The following ANK1 variants were observed in gnomAD, a reference collection of about 807,000 sequenced individuals.
ANK1 encodes ankyrin 1, also known as ankyrin-1.
ANK1 carries 51 observed loss-of-function variants against 210.4 expected under a neutral mutation model. The ratio of observed to expected loss-of-function variants is 0.24; its 90% CI spans 0.19 to 0.31. The LOEUF is 0.31. Among genes scored for constraint, ANK1 ranks in the 10% least tolerant of loss-of-function variants. ANK1 has a pLI of 1.00. For synonymous variants in ANK1, 967 were observed against 1,025.9 expected, an observed-to-expected ratio of 0.94 and a Z score of 1.10; for missense variants, 2,051 against 2,504.4, an observed-to-expected ratio of 0.82 and a Z score of 3.86.
At position 41,655,691 on chromosome 8, in the gene ANK1, G is replaced by A; in HGVS notation, c.*99C>T. 1.2e-6 allele frequency: 2 copies of A among 1,612,616 alleles called. No individual in the cohort carries two copies. The highest frequency in any genetic ancestry group is 1.7e-6 in the Non-Finnish European group (2 of 1,178,748). On this transcript the variant is annotated 3_prime_UTR_variant, in exon 43 of 43. Transcript: ENST00000289734. ...ACCGCTGCGGTGGCCCTCAGGTCCA[G>A]CTCTCCTCCTGTGTGCATGGCAGAG...
At chr8:41,668,143 C>T in intron 39 of ANK1, 124 bp downstream of exon 39, 1 of 1,373,958 alleles carries the variant, frequency 7.3e-7, no homozygotes, top group Non-Finnish European at 1.0e-6. Context: ...AGCACCACCA[C>T]AAGTGTTAAA....
At chr8:41,877,663 G>A (rs1816836792) in intron 1 of ANK1, among the ~76,000 whole-genome samples, 1 of 152,264 alleles carries the variant, frequency 6.6e-6, no homozygotes, top group Non-Finnish European at 1.5e-5. Flanking sequence ...GACCATTTCA[G>A]ATAGTGAAGA....
At chr8:41,714,033 A>T in intron 16 of ANK1, 123 bp downstream of exon 16, 1 of 602,654 alleles carries the variant, frequency 1.7e-6, no homozygotes, top group Non-Finnish European at 2.5e-6. Flanking sequence ...GTGATTTCTG[A>T]GGTAAAAATA....
chr8:41,811,162 G>A (rs190388471), intron 1 of ANK1, among the ~76,000 whole-genome samples: 1 of 152,140 alleles, frequency 6.6e-6, no homozygotes, highest in African/African-American at 2.4e-5. Context: ...GTTTAACTCT[G>A]CCTATCCTTT....
At chr8:41,728,299 T>C (rs1831240150) in intron 3 of ANK1, among the ~76,000 whole-genome samples, 1 of 152,150 alleles carries the variant, frequency 6.6e-6, no homozygotes, top group African/African-American at 2.4e-5. Flanking sequence ...GGCCAGTAAC[T>C]TACATGAAGC....
At chr8:41,835,531 T>C (rs527591005) in intron 1 of ANK1, among the ~76,000 whole-genome samples, 36 of 151,136 alleles carry the variant, frequency 2.4e-4, no homozygotes, top group African/African-American at 7.8e-4. Flanking sequence ...GGGCCGAGGC[T>C]GCAGTCACCT....
chr8:41,727,415 C>G, intron 4 of ANK1, 67 bp from the exon 5 acceptor site: 2 of 1,129,866 alleles, frequency 1.8e-6, no homozygotes, highest in Non-Finnish European at 2.7e-6. Context: ...ACCAGCACAA[C>G]GTCCTCTCAC....
intron 1 of ANK1, among the ~76,000 whole-genome samples, chr8:41,815,981 G>T (rs923824781): frequency 1.3e-5 from 2 of 151,988 alleles, no homozygotes; most frequent in African/African-American, 4.8e-5. Context: ...GATATCGAAG[G>T]GTATACTTAC....
At chr8:41,794,449 G>T (rs952106919) in intron 1 of ANK1, among the ~76,000 whole-genome samples, 20 of 152,090 alleles carry the variant, frequency 1.3e-4, no homozygotes, top group Non-Finnish European at 5.9e-5. Flanking sequence ...CCCTATTTCA[G>T]TTGCAGAACT....
intron 1 of ANK1, among the ~76,000 whole-genome samples, chr8:41,859,871 T>G (rs1812948002): frequency 6.6e-6 from 1 of 152,236 alleles, no homozygotes; most frequent in Admixed American, 6.5e-5. Context: ...GACAGATGAC[T>G]CTGGCCCCAA....
chr8:41,828,963 A>C (rs1316548680), intron 1 of ANK1: 1 of 152,280 alleles, frequency 6.6e-6, no homozygotes, highest in Non-Finnish European at 1.5e-5. Context: ...CGTCCTCTCC[A>C]GAGCGCCCCC....
chr8:41,661,447 C>G lies in ANK1; in HGVS notation c.*19G>C, dbSNP rs1291724804. 6.2e-7 allele frequency: 1 copy of G among 1,614,086 alleles called. No homozygotes were observed. The highest frequency in any genetic ancestry group is 8.5e-7 in the Non-Finnish European group (1 of 1,180,024). On this transcript the variant is annotated 3_prime_UTR_variant, in exon 42 of 43. Transcript: ENST00000289734. ...AGCGTTACCTCCCGAGAGGCTACTC[C>G]AAGGAGAGCGGCTCGGGGTCACTGT...
At chr8:41,690,406 G>A (rs1053546345) in intron 32 of ANK1, 60 bp from the exon 33 acceptor site, 141 of 1,614,094 alleles carry the variant, frequency 8.7e-5, no homozygotes, top group Non-Finnish European at 1.1e-4. Context: ...CCGGCTGTCT[G>A]GTTTAGGGAA....
intron 39 of ANK1, among the ~76,000 whole-genome samples, chr8:41,666,825 G>A (rs1161755917): frequency 6.6e-6 from 1 of 152,216 alleles, no homozygotes; most frequent in Non-Finnish European, 1.5e-5. Context: ...TAGGGCTTGG[G>A]AACTGAGGGA....
intron 1 of ANK1, among the ~76,000 whole-genome samples, chr8:41,852,804 G>A (rs553186717): frequency 3.3e-5 from 5 of 152,266 alleles, no homozygotes; most frequent in South Asian, 2.1e-4. Context: ...TCCCCAACCC[G>A]CTGAGTGCCC....
intron 1 of ANK1, among the ~76,000 whole-genome samples, chr8:41,846,919 A>G (rs1810166675): frequency 6.6e-6 from 1 of 152,196 alleles, no homozygotes; most frequent in African/African-American, 2.4e-5. Context: ...GCTCAGCTCC[A>G]GCTCACAACC....
chr8:41,665,654 C>G (rs1810260504), intron 39 of ANK1: 1 of 221,482 alleles, frequency 4.5e-6, no homozygotes, highest in Non-Finnish European at 9.1e-6. Context: ...ACCCTGGGTA[C>G]TTAGCGGTCT....
At chr8:41,800,213 C>G (rs1849645277), upstream of ANK1, among the ~76,000 whole-genome samples, 2 of 152,078 alleles carry the variant, frequency 1.3e-5, no homozygotes, top group African/African-American at 4.8e-5. Context: ...GTTTAACAAA[C>G]ATATATATAG....
chr8:41,747,331 C>T (rs2150695045), intron 2 of ANK1, among the ~76,000 whole-genome samples: 1 of 152,204 alleles, frequency 6.6e-6, no homozygotes, highest in East Asian at 1.9e-4. Flanking sequence ...AAATCTTCCT[C>T]AAGGCCCAGA....
Sources: allele counts gnomAD v4.1 joint callset (sites outside exome capture counted in the v4.1 genomes callset), GRCh38; gene constraint gnomAD v4.1.1; transcripts MANE v1.5; gene names NCBI Gene and HGNC (gene_info 2026-07-23, HGNC 2026-07-21).